The following MAMDC2 variants were observed in gnomAD, a reference collection of about 807,000 sequenced individuals.
MAMDC2 encodes MAM domain containing 2.
A neutral mutation model predicts 89.8 loss-of-function variants in MAMDC2; 57 were observed. That is an observed-to-expected ratio of 0.63 (90% CI 0.51 to 0.79). The LOEUF (loss-of-function observed/expected upper bound fraction) is 0.79, where lower values mean the gene tolerates loss of function less well. Ranked by LOEUF, MAMDC2 falls within the 30% of genes least tolerant of loss-of-function variation. The pLI is 0.00. For synonymous variants in MAMDC2, 313 were observed against 293.4 expected (o/e 1.07, Z -0.68); for missense variants, 800 against 820.6 (o/e 0.97, Z 0.31).
intron 2 of MAMDC2, among the ~76,000 whole-genome samples, chr9:70,067,205 T>G (rs1827287588): frequency 6.6e-6 from 1 of 152,146 alleles, no homozygotes; most frequent in African/African-American, 2.4e-5. Context: ...AAAAGGCATG[T>G]GATCTTGGAT....
intron 4 of MAMDC2, among the ~76,000 whole-genome samples, chr9:70,112,484 C>G (rs928197315): frequency 2.0e-5 from 3 of 152,044 alleles, no homozygotes; most frequent in Non-Finnish European, 4.4e-5. Context: ...ACTTGTTCAT[C>G]ATGAGAAGAG....
At chr9:70,202,476 A>T (rs1416152699) in intron 11 of MAMDC2, among the ~76,000 whole-genome samples, 2 of 151,292 alleles carry the variant, frequency 1.3e-5, no homozygotes, top group Non-Finnish European at 1.5e-5. Context: ...ACTTCCAAGT[A>T]TGTGGTCAAT....
intron 2 of MAMDC2, among the ~76,000 whole-genome samples, chr9:70,105,749 A>G (rs532253256): frequency 2.0e-5 from 3 of 152,330 alleles, no homozygotes; most frequent in South Asian, 2.1e-4. Context: ...GAACATTAGC[A>G]TAAGCTTATA....
intron 3 of MAMDC2, 86 bp from the exon 4 acceptor site, chr9:70,109,634 A>G (rs774111472): frequency 1.9e-4 from 213 of 1,103,572 alleles, no homozygotes; most frequent in East Asian, 5.7e-4. Context: ...GTGGCTGAAC[A>G]GCTCCAGACT....
intron 12 of MAMDC2, among the ~76,000 whole-genome samples, chr9:70,218,862 T>C (rs1386682042): frequency 6.6e-6 from 1 of 152,226 alleles, no homozygotes; most frequent in African/African-American, 2.4e-5. Context: ...TGATACATTA[T>C]GGGTGTCAAG....
chr9:70,202,828 G>A (rs1386229906), intron 11 of MAMDC2, among the ~76,000 whole-genome samples: 1 of 151,176 alleles, frequency 6.6e-6, no homozygotes, highest in African/African-American at 2.4e-5. Context: ...TTTGTCTCTT[G>A]TGATCTTTGT....
intron 4 of MAMDC2, among the ~76,000 whole-genome samples, chr9:70,110,658 T>C (rs1828485948): frequency 6.6e-6 from 1 of 152,070 alleles, no homozygotes; most frequent in African/African-American, 2.4e-5. Context: ...GATGTGGAGC[T>C]TGGACCTGCT....
At chr9:70,052,182 C>A (rs1198709214) in intron 2 of MAMDC2, among the ~76,000 whole-genome samples, 1 of 152,152 alleles carries the variant, frequency 6.6e-6, no homozygotes, top group Non-Finnish European at 1.5e-5. Context: ...TCCCCAGCTT[C>A]TCCAGATGTA....
intron 9 of MAMDC2, among the ~76,000 whole-genome samples, chr9:70,152,136 C>T (rs779362424): frequency 1.7e-4 from 26 of 152,156 alleles, no homozygotes; most frequent in Non-Finnish European, 3.4e-4. Flanking sequence ...TGATGGCCTC[C>T]CACTCTGGAT....
intron 12 of MAMDC2, among the ~76,000 whole-genome samples, chr9:70,221,380 T>TATATATATATATAGAGAGAGAG: frequency 4.3e-4 from 3 of 7,044 alleles, no homozygotes; most frequent in Non-Finnish European, 5.2e-4. Context: ...TATATATATA[T>TATATATATATATAGAGAGAGAG]AGAGAGAGAG....
intron 2 of MAMDC2, among the ~76,000 whole-genome samples, chr9:70,068,620 G>A (rs189820429): frequency 1.3e-4 from 20 of 151,782 alleles, no homozygotes; most frequent in Admixed American, 2.0e-4. Context: ...CTAGCTACTC[G>A]GGAGGCTGAG....
intron 11 of MAMDC2, among the ~76,000 whole-genome samples, chr9:70,208,662 A>G (rs2033282761): frequency 6.6e-6 from 1 of 152,218 alleles, no homozygotes; most frequent in Admixed American, 6.5e-5. Flanking sequence ...CAGAACTTCC[A>G]ACACTATGCT....
chr9:70,087,118 G>C (rs1376396704), intron 2 of MAMDC2: 1 of 152,072 alleles, frequency 6.6e-6, no homozygotes, highest in Non-Finnish European at 1.5e-5. Flanking sequence ...ACCTTCTACT[G>C]TCCTGTTCAC....
intron 11 of MAMDC2, among the ~76,000 whole-genome samples, chr9:70,192,377 C>G (rs956960651): frequency 1.3e-5 from 2 of 152,018 alleles, no homozygotes; most frequent in African/African-American, 4.8e-5. Context: ...ACTCTTTCTT[C>G]TGCACTGCAA....
At chr9:70,179,232 G>T (rs2032577825) in intron 11 of MAMDC2, among the ~76,000 whole-genome samples, 1 of 152,066 alleles carries the variant, frequency 6.6e-6, no homozygotes, top group African/African-American at 2.4e-5. Flanking sequence ...ATGAGGTGGG[G>T]CCGGGCATGG....
At chr9:70,116,652 T>C (rs2030008041) in intron 5 of MAMDC2, among the ~76,000 whole-genome samples, 1 of 151,394 alleles carries the variant, frequency 6.6e-6, no homozygotes, top group African/African-American at 2.4e-5. Flanking sequence ...TCAAAATGGC[T>C]TGAGTCCCTC....
At chr9:70,052,070 C>A (rs1826919073) in intron 2 of MAMDC2, among the ~76,000 whole-genome samples, 1 of 152,122 alleles carries the variant, frequency 6.6e-6, no homozygotes, top group African/African-American at 2.4e-5. Context: ...AGAAATGGGA[C>A]CAGACTTGGC....
intron 2 of MAMDC2, among the ~76,000 whole-genome samples, chr9:70,093,137 C>T (rs1043992444): frequency 1.3e-5 from 2 of 152,044 alleles, no homozygotes; most frequent in Non-Finnish European, 2.9e-5. Flanking sequence ...TTCATAGGAA[C>T]TCCTATTTTC....
At chr9:70,068,380 A>T (rs993098051) in intron 2 of MAMDC2, among the ~76,000 whole-genome samples, 2 of 152,050 alleles carry the variant, frequency 1.3e-5, no homozygotes, top group Non-Finnish European at 2.9e-5. Context: ...GCTGGATAGG[A>T]TTCAATGACA....
Sources: gnomAD v4.1 joint callset for allele counts (sites outside exome capture counted in the v4.1 genomes callset) on GRCh38, gnomAD v4.1.1 for gene constraint, MANE v1.5 for transcripts, NCBI Gene and HGNC (gene_info 2026-07-23, HGNC 2026-07-21) for gene names.